PTPRA: variants seen among roughly 807,000 people sequenced by gnomAD.
PTPRA encodes receptor-type tyrosine-protein phosphatase alpha.
A neutral mutation model predicts 104.8 loss-of-function variants in PTPRA; 25 were observed. That is an observed-to-expected ratio of 0.24 (90% CI 0.17 to 0.33). The LOEUF (loss-of-function observed/expected upper bound fraction) is 0.33, where lower values mean the gene tolerates loss of function less well. Ranked by LOEUF, PTPRA falls within the 10% of genes least tolerant of loss-of-function variation. PTPRA has a pLI of 1.00. For missense variants in PTPRA, 765 were observed against 1,015.3 expected, an observed-to-expected ratio of 0.75 and a Z score of 3.35; for synonymous variants, 323 against 368.9, an observed-to-expected ratio of 0.88 and a Z score of 1.43.
intron 13 of PTPRA, among the ~76,000 whole-genome samples, chr20:3,019,299 C>T (rs980506417): frequency 5.9e-5 from 9 of 151,298 alleles, no homozygotes; most frequent in Non-Finnish European, 1.0e-4. Context: ...CGGGCAGAGA[C>T]GCTCCTCACT....
At chr20:2,909,135 T>C (rs2059532347) in intron 1 of PTPRA, among the ~76,000 whole-genome samples, 1 of 152,180 alleles carries the variant, frequency 6.6e-6, no homozygotes, top group Non-Finnish European at 1.5e-5. Flanking sequence ...TAAGTAGTTA[T>C]GTGTAAGGCA....
chr20:2,996,706 G>A (rs2063410040), intron 9 of PTPRA, among the ~76,000 whole-genome samples: 1 of 152,080 alleles, frequency 6.6e-6, no homozygotes, highest in African/African-American at 2.4e-5. Flanking sequence ...GGTCTATAAA[G>A]ATATGAAAAG....
intron 3 of PTPRA, chr20:2,955,671 G>A (rs2061510234): frequency 1.0e-6 from 1 of 985,234 alleles, no homozygotes; most frequent in Admixed American, 6.2e-5. Flanking sequence ...TCTTCAGAGT[G>A]CTGTTCCTAC....
At chr20:3,030,703 T>TG (rs1264794052) in intron 20 of PTPRA, among the ~76,000 whole-genome samples, 33 of 142,284 alleles carry the variant, frequency 2.3e-4, no homozygotes, top group African/African-American at 8.3e-4. Context: ...TTTTTTTTTT[T>TG]GAGATGGAGT....
At chr20:3,012,346 G>A (rs981077034) in intron 11 of PTPRA, among the ~76,000 whole-genome samples, 2 of 152,216 alleles carry the variant, frequency 1.3e-5, no homozygotes, top group Non-Finnish European at 2.9e-5. Context: ...AGGAAGCGGC[G>A]ACAAAGTGAA....
chr20:2,871,006 G>A (rs939829842), upstream of PTPRA, among the ~76,000 whole-genome samples: 1 of 152,150 alleles, frequency 6.6e-6, no homozygotes, highest in African/African-American at 2.4e-5. Flanking sequence ...GTAGGATGGA[G>A]GGCTGGGCAG....
At chr20:2,999,293 A>T (rs1176863991) in intron 9 of PTPRA, among the ~76,000 whole-genome samples, 1 of 152,198 alleles carries the variant, frequency 6.6e-6, no homozygotes, top group Non-Finnish European at 1.5e-5. Context: ...CCCCCAAGAT[A>T]TATAGATTCA....
chr20:2,983,298 A>C (rs1403513951), intron 6 of PTPRA, among the ~76,000 whole-genome samples: 2 of 152,166 alleles, frequency 1.3e-5, no homozygotes, highest in South Asian at 2.1e-4. Flanking sequence ...CAGTGGCTGA[A>C]ATTGAGTGAG....
intron 5 of PTPRA, among the ~76,000 whole-genome samples, chr20:2,966,952 A>G (rs904322927): frequency 6.6e-6 from 1 of 152,212 alleles, no homozygotes. Flanking sequence ...TACAAACTGT[A>G]TGAGTGAATG....
intron 9 of PTPRA, among the ~76,000 whole-genome samples, chr20:2,992,914 G>A (rs1368544953): frequency 1.3e-5 from 2 of 152,172 alleles, no homozygotes; most frequent in East Asian, 3.8e-4. Flanking sequence ...GCAACATGGC[G>A]AAAGCCTGCC....
chr20:2,977,773 T>G (rs1465886725), intron 6 of PTPRA, among the ~76,000 whole-genome samples: 1 of 150,722 alleles, frequency 6.6e-6, no homozygotes, highest in Admixed American at 6.6e-5. Flanking sequence ...CAGAAAAAAT[T>G]TTATATATAA....
intron 1 of PTPRA, among the ~76,000 whole-genome samples, chr20:2,904,955 A>G (rs2059370566): frequency 6.6e-6 from 1 of 152,180 alleles, no homozygotes; most frequent in Non-Finnish European, 1.5e-5. Flanking sequence ...GAGCAGGGAT[A>G]CCCAACCTCC....
At position 2,900,470 on chromosome 20, in the gene PTPRA, G is replaced by T. The variant is rs1280450603; in HGVS notation, c.-128-22737G>T. ...GGTAGTACTCAGTTTGCTTGGTTTT[G>T]ATATTCATAAATTTCCATTGCTGTG... On this transcript the variant is annotated intron_variant, in intron 1 of 23. Transcript: ENST00000399903. Among the ~76,000 whole-genome samples, 6 of 152,132 alleles carry T rather than the reference G, an allele frequency of 3.9e-5. No homozygotes were observed. The East Asian group carries it at 1.2e-3, about 29-fold the overall frequency.
rs192949005 is a variant in PTPRA, at chr20:3,032,734, C to G, written c.1921-2851C>G. ...TGAGCCAAGATCGCGCCACTGCATT[C>G]CAGCCTGGTGGCAGAGTGAGACTCC... On this transcript the variant is annotated intron_variant, in intron 20 of 23. Transcript: ENST00000399903. 3.2e-4 allele frequency among the ~76,000 whole-genome samples: 49 copies of G among 151,382 alleles called. No individual in the cohort carries two copies. The East Asian group carries it at 9.1e-3, about 28-fold the overall frequency.
chr20:3,034,028 T>C (rs1336853812), intron 20 of PTPRA, among the ~76,000 whole-genome samples: 2 of 151,866 alleles, frequency 1.3e-5, no homozygotes, highest in Non-Finnish European at 2.9e-5. Flanking sequence ...CCTACCACTT[T>C]GGGAGGCTGA....
chr20:3,019,533 G>GC (rs1568700768), intron 13 of PTPRA, among the ~76,000 whole-genome samples: 2 of 150,976 alleles, frequency 1.3e-5, no homozygotes, highest in African/African-American at 2.4e-5. Flanking sequence ...GGGCAGAGAC[G>GC]CTCCTCACTT....
At chr20:2,916,584 T>G (rs2059910817) in intron 1 of PTPRA, among the ~76,000 whole-genome samples, 1 of 152,094 alleles carries the variant, frequency 6.6e-6, no homozygotes, top group Non-Finnish European at 1.5e-5. Flanking sequence ...CCAGCCATGG[T>G]GGTGTGTGCT....
chr20:2,908,167 T>C (rs1443523792), intron 1 of PTPRA, among the ~76,000 whole-genome samples: 1 of 152,200 alleles, frequency 6.6e-6, no homozygotes, highest in African/African-American at 2.4e-5. Context: ...TATTCCACTT[T>C]AAATTTTCAA....
At chr20:2,991,646 G>T (rs1319494426) in intron 9 of PTPRA, among the ~76,000 whole-genome samples, 1 of 152,152 alleles carries the variant, frequency 6.6e-6, no homozygotes, top group Non-Finnish European at 1.5e-5. Flanking sequence ...TCCCTGGATG[G>T]TGATGGTATT....
Sources: allele counts gnomAD v4.1 joint callset (sites outside exome capture counted in the v4.1 genomes callset), GRCh38; gene constraint gnomAD v4.1.1; transcripts MANE v1.5; gene names NCBI Gene and HGNC (gene_info 2026-07-23, HGNC 2026-07-21).